The following CSNK1A1 variants were observed in gnomAD, a reference collection of about 807,000 sequenced individuals.
CSNK1A1 encodes the protein casein kinase I isoform alpha.
A neutral mutation model predicts 46.1 loss-of-function variants in CSNK1A1; 7 were observed. The ratio of observed to expected loss-of-function variants is 0.15; its 90% CI spans 0.09 to 0.29. The LOEUF (loss-of-function observed/expected upper bound fraction) is 0.29. Ranked by LOEUF, CSNK1A1 falls within the 10% of genes least tolerant of loss-of-function variation. CSNK1A1 has a pLI of 1.00. For synonymous variants in CSNK1A1, 137 were observed against 141.5 expected (o/e 0.97, Z 0.23); for missense variants, 96 against 417.1 (o/e 0.23, Z 6.71).
rs369889276 is a variant in CSNK1A1, at chr5:149,508,047, A to C, written c.751-914T>G. 7.2e-5 allele frequency among the ~76,000 whole-genome samples: 11 copies of C among 152,328 alleles called. No individual in the cohort carries two copies. In the East Asian group the frequency reaches 1.3e-3, roughly 19 times the overall value. On this transcript the variant is annotated intron_variant, in intron 7 of 9. Transcript: ENST00000377843. ...AAATATTAAAAGAGCACAAACCTCT[A>C]TATCTCCTCTCCTAGAGTAAATGCC...
At chr5:149,521,270 CTTTTT>C (rs909460651) in intron 3 of CSNK1A1, among the ~76,000 whole-genome samples, 1 of 123,944 alleles carries the variant, frequency 8.1e-6, no homozygotes. Flanking sequence ...ATTTACTCTT[CTTTTT>C]TTTTTTTTTT....
chr5:149,519,619 A>T (rs1761506941), intron 4 of CSNK1A1, among the ~76,000 whole-genome samples: 1 of 152,194 alleles, frequency 6.6e-6, no homozygotes, highest in Admixed American at 6.5e-5. Context: ...AACCACTCTC[A>T]GAGACCCCAA....
chr5:149,503,349 T>C (rs1358419427), intron 9 of CSNK1A1: 10 of 985,396 alleles, frequency 1.0e-5, no homozygotes, highest in East Asian at 2.3e-4. Context: ...AAGTTTTGTA[T>C]TAAAAAAGAA....
chr5:149,524,915 A>T (rs1761681403), intron 3 of CSNK1A1, 130 bp downstream of exon 3: 1 of 765,842 alleles, frequency 1.3e-6, no homozygotes, highest in South Asian at 3.1e-5. Flanking sequence ...AAGTCACATT[A>T]TTATTTTTTT....
intron 4 of CSNK1A1, among the ~76,000 whole-genome samples, chr5:149,514,874 T>C (rs546357393): frequency 6.6e-6 from 1 of 152,310 alleles, no homozygotes; most frequent in Non-Finnish European, 1.5e-5. Flanking sequence ...AAATGTTAAC[T>C]GGATGATGAA....
intron 6 of CSNK1A1, 36 bp downstream of exon 6, chr5:149,511,758 G>A: frequency 7.2e-7 from 1 of 1,392,342 alleles, no homozygotes; most frequent in Non-Finnish European, 1.0e-6. Context: ...TTCTAAAAAA[G>A]AGAGAGAAAA....
At chr5:149,537,919 G>T (rs1481280630) in intron 2 of CSNK1A1, among the ~76,000 whole-genome samples, 1 of 150,764 alleles carries the variant, frequency 6.6e-6, no homozygotes, top group Admixed American at 6.6e-5. Context: ...TTTTCAGCAG[G>T]AGACAAATTC....
At chr5:149,545,237 C>T (rs757580928) in intron 2 of CSNK1A1, 24 of 202,412 alleles carry the variant, frequency 1.2e-4, no homozygotes, top group African/African-American at 3.3e-4. Flanking sequence ...TATTAATTGA[C>T]AAGGTCCAAG....
rs1190208153 is a variant in CSNK1A1, at chr5:149,542,631, T to C, written c.230+7444A>G. 6.2e-3 allele frequency among the ~76,000 whole-genome samples: 77 copies of C among 12,510 alleles called. 4 individuals are homozygous for C. The highest frequency in any genetic ancestry group is 0.034 in the African/African-American group (62 of 1,836). 8.2% of individuals were successfully genotyped at this position (12,510 alleles called of 152,430 possible). A position where few individuals can be genotyped will look rare whatever the true frequency, so the allele number is the denominator to read the frequency against. ...ATATATATATATATATATATATATATATATATATGTATATATATATATATA... is the reference window on the plus strand; with the variant it reads ...ATATATATATATATATATATATATACATATATATGTATATATATATATATA... On this transcript the variant is annotated intron_variant, in intron 2 of 9. Coordinates refer to ENST00000377843, the MANE Select transcript of CSNK1A1 (RefSeq NM_001892.6).
chr5:149,547,139 C>A (rs1405271423), intron 2 of CSNK1A1, among the ~76,000 whole-genome samples: 1 of 152,150 alleles, frequency 6.6e-6, no homozygotes, highest in Non-Finnish European at 1.5e-5. Context: ...CCTTACCAAA[C>A]CAGTTCACCA....
At chr5:149,518,216 C>A (rs1039003253) in intron 4 of CSNK1A1, among the ~76,000 whole-genome samples, 8 of 151,932 alleles carry the variant, frequency 5.3e-5, no homozygotes, top group African/African-American at 1.9e-4. Flanking sequence ...CCCTTCCCCC[C>A]CAAAAAAATA....
At chr5:149,530,052 T>C (rs1031177876) in intron 2 of CSNK1A1, among the ~76,000 whole-genome samples, 1 of 152,122 alleles carries the variant, frequency 6.6e-6, no homozygotes, top group Non-Finnish European at 1.5e-5. Context: ...TTTACCCAAA[T>C]ATATGTTAGT....
chr5:149,546,924 G>T (rs776690394), intron 2 of CSNK1A1, among the ~76,000 whole-genome samples: 2 of 152,040 alleles, frequency 1.3e-5, no homozygotes, highest in Admixed American at 1.3e-4. Flanking sequence ...CCCAAATAAA[G>T]AATGTTTACA....
intron 4 of CSNK1A1, among the ~76,000 whole-genome samples, chr5:149,514,131 C>T (rs975908923): frequency 1.8e-4 from 28 of 152,088 alleles, no homozygotes; most frequent in African/African-American, 6.3e-4. Flanking sequence ...CCCCAAAAAG[C>T]GCTTAGCATT....
chr5:149,525,039 A>G lies in CSNK1A1; in HGVS notation c.357+6T>C. On this transcript the variant is annotated splice_donor_region_variant and intron_variant, in intron 3 of 9. Coordinates refer to ENST00000377843, the MANE Select transcript of CSNK1A1 (RefSeq NM_001892.6). The surrounding 1 kb of genome is among the most constrained non-coding windows in gnomAD (Gnocchi z 4.2). Reference sequence around the variant, plus strand: ...CAGTTTATATTCTAATCAAAATTTCACATACCTGGTCAGCTAACATAAGTA... The same window carrying G: ...CAGTTTATATTCTAATCAAAATTTCGCATACCTGGTCAGCTAACATAAGTA... 6.2e-7 allele frequency: 1 copy of G among 1,604,302 alleles called. No individual in the cohort carries two copies. The highest frequency in any genetic ancestry group is 1.1e-5 in the South Asian group (1 of 89,252).
chr5:149,517,743 G>C lies in CSNK1A1; in HGVS notation c.456+2547C>G. On this transcript the variant is annotated intron_variant, in intron 4 of 9. Coordinates refer to ENST00000377843, the MANE Select transcript of CSNK1A1 (RefSeq NM_001892.6). The surrounding 1 kb of genome is among the most constrained non-coding windows in gnomAD (Gnocchi z 4.4). ...ATCATCAAAATAAAACAATAAAAAA[G>C]AAAAGCACATGAATTTGGGATTGAG... is the stretch of plus-strand genomic sequence containing the variant. 8.7e-7 allele frequency: 1 copy of C among 1,147,056 alleles called. No individual in the cohort carries two copies. The highest frequency in any genetic ancestry group is 1.3e-6 in the Non-Finnish European group (1 of 786,864). 71.1% of individuals were successfully genotyped at this position (1,147,056 alleles called of 1,614,324 possible). A position where few individuals can be genotyped will look rare whatever the true frequency, so the allele number is the denominator to read the frequency against.
At position 149,550,416 on chromosome 5, in the gene CSNK1A1, A is replaced by G; in HGVS notation, c.124-235T>C. The G allele has an allele frequency of 2.4e-6, 3 of 1,259,598 alleles. No homozygotes were observed. Among genetic ancestry groups the G allele is most frequent in the Non-Finnish European group, 3.1e-6 (3 of 979,982 alleles). The allele number at this position is 1,259,598 out of a possible 1,614,324, so 78.0% of individuals were successfully genotyped here. A position where few individuals can be genotyped will look rare whatever the true frequency, so the allele number is the denominator to read the frequency against. On this transcript the variant is annotated intron_variant, in intron 1 of 9. Transcript: ENST00000377843. The surrounding 1 kb of genome is among the most constrained non-coding windows in gnomAD (Gnocchi z 4.3). ...GTGCAGGAAAATGATTCATCCAGAAAAAAGAGGCAACCTCTGAACGTAGTG... is the reference window on the plus strand; with the variant it reads ...GTGCAGGAAAATGATTCATCCAGAAGAAAGAGGCAACCTCTGAACGTAGTG...
intron 3 of CSNK1A1, among the ~76,000 whole-genome samples, chr5:149,524,135 T>C (rs955979480): frequency 1.3e-5 from 2 of 152,182 alleles, no homozygotes; most frequent in Admixed American, 6.5e-5. Context: ...ACAAATAACC[T>C]GTGTTCTCCT....
chr5:149,533,999 G>T (rs1761975690), intron 2 of CSNK1A1, among the ~76,000 whole-genome samples: 1 of 152,094 alleles, frequency 6.6e-6, no homozygotes, highest in South Asian at 2.1e-4. Context: ...TTCTAAATTT[G>T]AATTATGGTA....
Sources: allele counts gnomAD v4.1 joint callset (sites outside exome capture counted in the v4.1 genomes callset), GRCh38; gene constraint gnomAD v4.1.1; non-coding constraint Gnocchi (gnomAD v3.1); transcripts MANE v1.5; gene names NCBI Gene and HGNC (gene_info 2026-07-23, HGNC 2026-07-21).